The following ANTXR2 variants were observed in gnomAD, a reference collection of about 807,000 sequenced individuals.
ANTXR2 encodes the protein anthrax toxin receptor 2.
In ANTXR2, 44 loss-of-function variants were observed where a neutral mutation model predicts 73.7. That is an observed-to-expected ratio of 0.60 (90% CI 0.47 to 0.77). ANTXR2 has a LOEUF of 0.77. ANTXR2 is among the 30% of genes least tolerant of loss of function. ANTXR2 has a pLI of 0.00. For missense variants in ANTXR2, 604 were observed against 592.5 expected (o/e 1.02, Z -0.20); for synonymous variants, 217 against 205.9 (o/e 1.05, Z -0.46).
Position 80,069,511 on chromosome 4 carries a change from C to G in ANTXR2, c.225-4G>C, listed in dbSNP as rs141355689. 1.1e-5 allele frequency: 18 copies of G among 1,588,634 alleles called. No individual in the cohort carries two copies. The highest frequency in any genetic ancestry group is 1.5e-5 in the Non-Finnish European group (17 of 1,163,548). ...GAAAGATAATCTCATTTCAGGGCTGCAAAATAAGAAAAGAGGCAGTTAAAA... is the reference window on the plus strand; with the variant it reads ...GAAAGATAATCTCATTTCAGGGCTGGAAAATAAGAAAAGAGGCAGTTAAAA... On this transcript the variant is annotated splice_region_variant and splice_polypyrimidine_tract_variant and intron_variant, in intron 2 of 16. Coordinates refer to ENST00000403729, the MANE Select transcript of ANTXR2 (RefSeq NM_058172.6).
chr4:79,910,111 A>G (rs1276872575), intron 16 of ANTXR2, among the ~76,000 whole-genome samples: 1 of 152,228 alleles, frequency 6.6e-6, no homozygotes, highest in African/African-American at 2.4e-5. Context: ...AGTAAAATGA[A>G]GACTAAAAAA....
intron 12 of ANTXR2, among the ~76,000 whole-genome samples, chr4:79,985,371 A>G (rs1578131494): frequency 6.6e-6 from 1 of 151,910 alleles, no homozygotes; most frequent in East Asian, 1.9e-4. Context: ...AAAAAGAAAA[A>G]GAAAGAAAAA....
intron 16 of ANTXR2, among the ~76,000 whole-genome samples, chr4:79,975,405 C>T (rs1729583851): frequency 6.6e-6 from 1 of 152,154 alleles, no homozygotes; most frequent in Non-Finnish European, 1.5e-5. Flanking sequence ...ATTGCTTTTA[C>T]ATATTCATAA....
intron 2 of ANTXR2, 129 bp downstream of exon 2, chr4:80,071,454 A>C (rs1277408012): frequency 1.3e-6 from 1 of 744,586 alleles, no homozygotes; most frequent in African/African-American, 1.8e-5. Context: ...GCATGTGTGC[A>C]ATACGACCTT....
chr4:80,067,665 A>AC (rs1408456371), intron 3 of ANTXR2, among the ~76,000 whole-genome samples: 1 of 146,882 alleles, frequency 6.8e-6, no homozygotes, highest in African/African-American at 2.6e-5. Flanking sequence ...GTTGTGGACT[A>AC]CCATGGCTCT....
chr4:80,048,088 T>G (rs1733604559), intron 7 of ANTXR2, among the ~76,000 whole-genome samples: 1 of 151,588 alleles, frequency 6.6e-6, no homozygotes, highest in African/African-American at 2.4e-5. Context: ...TTTATTCATT[T>G]TATTTATTTA....
chr4:80,003,130 T>C (rs1187892128), intron 12 of ANTXR2, among the ~76,000 whole-genome samples: 1 of 152,086 alleles, frequency 6.6e-6, no homozygotes, highest in Non-Finnish European at 1.5e-5. Context: ...ATTGCGGCAC[T>C]ACACACAATA....
rs377162398 is a variant in ANTXR2, at chr4:79,973,737, G to A, written c.1428+3884C>T. Among the ~76,000 whole-genome samples the A allele has an allele frequency of 3.0e-4, 45 of 152,156 alleles. No individual in the cohort carries two copies. In the East Asian group the frequency reaches 7.3e-3, roughly 25 times the overall value. The stretch of plus-strand genomic sequence containing the variant: ...AGCCACCACACCTGGCCACATTCAG[G>A]TATTCTTAATAATCTTTGTGAAACA... On this transcript the variant is annotated intron_variant, in intron 16 of 16. Coordinates refer to ENST00000403729, the MANE Select transcript of ANTXR2 (RefSeq NM_058172.6).
chr4:79,996,211 A>G (rs1261362000), intron 12 of ANTXR2, among the ~76,000 whole-genome samples: 1 of 151,932 alleles, frequency 6.6e-6, no homozygotes, highest in Non-Finnish European at 1.5e-5. Context: ...TCTTTTTAAA[A>G]TAAGATTTAG....
At chr4:79,975,529 C>G in intron 16 of ANTXR2, among the ~76,000 whole-genome samples, 1 of 152,138 alleles carries the variant, frequency 6.6e-6, no homozygotes. Flanking sequence ...GAACTGAGAC[C>G]ACTGTCTGTT....
At chr4:79,927,006 T>C (rs1296274777) in intron 16 of ANTXR2, among the ~76,000 whole-genome samples, 1 of 147,714 alleles carries the variant, frequency 6.8e-6, no homozygotes, top group African/African-American at 2.5e-5. Context: ...TATATACACG[T>C]GTGCATATAT....
chr4:79,985,125 G>T (rs778291168), intron 12 of ANTXR2, among the ~76,000 whole-genome samples: 13 of 151,938 alleles, frequency 8.6e-5, no homozygotes, highest in Non-Finnish European at 1.8e-4. Flanking sequence ...GAGGGGGGCG[G>T]ATCACGAGGT....
At chr4:79,946,819 G>T (rs1355373780) in intron 16 of ANTXR2, among the ~76,000 whole-genome samples, 1 of 152,060 alleles carries the variant, frequency 6.6e-6, no homozygotes. Flanking sequence ...TGTTTAGAAT[G>T]GTTGCTGTTA....
At position 80,019,114 on chromosome 4, in the gene ANTXR2, ATCCACCCACCTC is replaced by A. The variant is rs2110069071; in HGVS notation, c.867-150_867-139del. On this transcript the variant is annotated intron_variant, in intron 10 of 16. Transcript: ENST00000403729. ...GGTCTCAAACTCCTGACCTCAGATGATCCACCCACCTCGGCCTCCCAAAGTCCTAGGATTACA... is the reference window on the plus strand; with the variant it reads ...GGTCTCAAACTCCTGACCTCAGATGAGGCCTCCCAAAGTCCTAGGATTACA... 5.3e-6 allele frequency: 3 copies of A among 571,200 alleles called. No homozygotes were observed. The South Asian group carries it at 8.8e-5, about 17-fold the overall frequency. 35.4% of individuals were successfully genotyped at this position (571,200 alleles called of 1,614,324 possible).
chr4:79,908,131 A>C (rs552494072), intron 16 of ANTXR2, among the ~76,000 whole-genome samples: 24 of 152,326 alleles, frequency 1.6e-4, no homozygotes, highest in African/African-American at 5.5e-4. Flanking sequence ...TAAATAATCC[A>C]AGAAATATTT....
chr4:79,978,223 G>A lies in ANTXR2; in HGVS notation c.1180-49C>T, dbSNP rs555252758. Reference sequence around the variant, plus strand: ...GTTATCAGACATAAAGTGTCCTAGAGGAACAGGCTCTTATTGAGCCTATGG... The same window carrying A: ...GTTATCAGACATAAAGTGTCCTAGAAGAACAGGCTCTTATTGAGCCTATGG... On this transcript the variant is annotated intron_variant, in intron 14 of 16. Coordinates refer to ENST00000403729, the MANE Select transcript of ANTXR2 (RefSeq NM_058172.6). 9.4e-5 allele frequency: 148 copies of A among 1,567,138 alleles called. No homozygotes were observed. In the South Asian group the frequency reaches 1.6e-3, roughly 17 times the overall value.
intron 8 of ANTXR2, among the ~76,000 whole-genome samples, chr4:80,034,489 C>G (rs920036529): frequency 1.3e-5 from 2 of 152,018 alleles, no homozygotes; most frequent in South Asian, 4.1e-4. Context: ...ATAGAACCAA[C>G]GTGGAAGTAA....
intron 16 of ANTXR2, among the ~76,000 whole-genome samples, chr4:79,912,093 A>T (rs1370931881): frequency 6.6e-6 from 1 of 152,006 alleles, no homozygotes; most frequent in Non-Finnish European, 1.5e-5. Context: ...GATTCAATAA[A>T]ATCATTGTTA....
chr4:80,034,374 T>A (rs1732855497), intron 8 of ANTXR2, among the ~76,000 whole-genome samples: 2 of 152,088 alleles, frequency 1.3e-5, no homozygotes, highest in Admixed American at 6.6e-5. Context: ...GAAGCACAAA[T>A]AAAATTTTAA....
Sources: gnomAD v4.1 joint callset for allele counts (sites outside exome capture counted in the v4.1 genomes callset) on GRCh38, gnomAD v4.1.1 for gene constraint, MANE v1.5 for transcripts, NCBI Gene and HGNC (gene_info 2026-07-23, HGNC 2026-07-21) for gene names.